The following ATL2 variants were observed in gnomAD, a reference collection of about 807,000 sequenced individuals.
ATL2 encodes atlastin-2.
Under a neutral mutation model 73.9 loss-of-function variants are expected in ATL2, and 31 were observed. The ratio of observed to expected loss-of-function variants is 0.42; its 90% CI spans 0.32 to 0.57. ATL2 has a LOEUF of 0.57. Among genes scored for constraint, ATL2 ranks in the 20% least tolerant of loss-of-function variants. The probability of loss-of-function intolerance (pLI) is 0.14; values close to 1 mark genes in which losing one functional copy is unlikely to be tolerated. For missense variants in ATL2, 738 were observed against 702.6 expected, an observed-to-expected ratio of 1.05 and a Z score of -0.57; for synonymous variants, 291 against 237.5, an observed-to-expected ratio of 1.23 and a Z score of -2.07.
chr2:38,358,639 C>T, intron 1 of ATL2: 2 of 211,782 alleles, frequency 9.4e-6, no homozygotes, highest in Non-Finnish European at 2.0e-5. Context: ...TTGCAGTGAG[C>T]CGAGACCGTG....
rs750183162 is a variant in ATL2, at chr2:38,298,170, G to C, written c.1606C>G (p.Gln536Glu). ...EFREIGTVID[Q>E]IAETLWEQVL... Reference sequence around the variant, plus strand: ...TGTTCCCATAGTGTTTCAGCAATCTGATCAATCACTGTTCCAATTTCTCTG... The same window carrying C: ...TGTTCCCATAGTGTTTCAGCAATCTCATCAATCACTGTTCCAATTTCTCTG... The change falls in exon 12 of 13, where the codon CAG (glutamine) becomes GAG (glutamate). Residue 536 changes from glutamine to glutamate, a missense_variant. Transcript: ENST00000378954. The C allele has an allele frequency of 6.2e-7, 1 of 1,613,518 alleles. No individual in the cohort carries two copies. The highest frequency in any genetic ancestry group is 8.5e-7 in the Non-Finnish European group (1 of 1,179,684).
At chr2:38,305,334 C>G (rs755523280) in intron 9 of ATL2, among the ~76,000 whole-genome samples, 2 of 152,042 alleles carry the variant, frequency 1.3e-5, no homozygotes, top group Non-Finnish European at 2.9e-5. Flanking sequence ...GACCACTTGA[C>G]GTCAGGAGTT....
At chr2:38,372,962 A>G (rs560911994) in intron 1 of ATL2, among the ~76,000 whole-genome samples, 13 of 152,356 alleles carry the variant, frequency 8.5e-5, no homozygotes, top group African/African-American at 2.9e-4. Flanking sequence ...AAATATACAC[A>G]TTATATATAA....
intron 2 of ATL2, among the ~76,000 whole-genome samples, chr2:38,329,319 C>T (rs577499127): frequency 8.9e-5 from 13 of 146,210 alleles, no homozygotes; most frequent in Non-Finnish European, 1.5e-4. Context: ...TCCCAGCTAC[C>T]CAGGAGATTG....
intron 6 of ATL2, among the ~76,000 whole-genome samples, chr2:38,313,894 A>C (rs1279142377): frequency 1.3e-5 from 2 of 152,222 alleles, no homozygotes; most frequent in African/African-American, 4.8e-5. Flanking sequence ...AAATGATCCC[A>C]GTTCAGAAAA....
intron 4 of ATL2, among the ~76,000 whole-genome samples, chr2:38,316,973 G>A (rs997409284): frequency 6.6e-6 from 1 of 152,018 alleles, no homozygotes; most frequent in African/African-American, 2.4e-5. Flanking sequence ...TCACTTAGTG[G>A]GTAATGACAA....
At chr2:38,326,525 A>C (rs1668671225) in intron 2 of ATL2, among the ~76,000 whole-genome samples, 1 of 152,228 alleles carries the variant, frequency 6.6e-6, no homozygotes, top group Non-Finnish European at 1.5e-5. Flanking sequence ...TTGATCCAGG[A>C]AGAGGACAGA....
At chr2:38,341,449 CA>C (rs1669713024) in intron 2 of ATL2, among the ~76,000 whole-genome samples, 1 of 151,958 alleles carries the variant, frequency 6.6e-6, no homozygotes, top group Admixed American at 6.6e-5. Flanking sequence ...CCAGCCTGGA[CA>C]ACATAGTGAG....
chr2:38,311,480 T>G (rs1281556536), intron 7 of ATL2, among the ~76,000 whole-genome samples: 1 of 152,222 alleles, frequency 6.6e-6, no homozygotes, highest in African/African-American at 2.4e-5. Flanking sequence ...AACAGCAGAA[T>G]GGAAAAACTG....
At chr2:38,302,095 AC>A (rs1667220128) in intron 9 of ATL2, among the ~76,000 whole-genome samples, 1 of 152,262 alleles carries the variant, frequency 6.6e-6, no homozygotes, top group South Asian at 2.1e-4. Context: ...CTGGAAGGGA[AC>A]CCACTGTCTT....
rs1670185463 is a variant in ATL2, at chr2:38,349,005, T to C, written c.119-5493A>G. On this transcript the variant is annotated intron_variant, in intron 1 of 12. Transcript: ENST00000378954. ...CTCACACCAGTTAGAATGGCGATCA[T>C]TAAAAAGTCAGGAAACAACAGGTGC... is the stretch of plus-strand genomic sequence containing the variant. Among the ~76,000 whole-genome samples, 4 of 151,940 alleles carry C rather than the reference T, an allele frequency of 2.6e-5. 1 individual carries two copies. In the South Asian group the frequency reaches 8.3e-4, roughly 32 times the overall value.
intron 1 of ATL2, chr2:38,376,428 C>T (rs1671971145): frequency 2.9e-6 from 1 of 350,074 alleles, no homozygotes; most frequent in Non-Finnish European, 5.0e-6. Context: ...GCCTTACTAT[C>T]GTCCAAGTGA....
intron 1 of ATL2, among the ~76,000 whole-genome samples, chr2:38,355,652 C>G (rs538340676): frequency 6.7e-6 from 1 of 149,898 alleles, no homozygotes; most frequent in South Asian, 2.1e-4. Context: ...AGCAAAAATT[C>G]AGAGAACTAA....
intron 1 of ATL2, among the ~76,000 whole-genome samples, chr2:38,374,497 C>T (rs532461372): frequency 2.0e-5 from 3 of 152,204 alleles, no homozygotes; most frequent in African/African-American, 7.2e-5. Context: ...AAAATCTTTG[C>T]GCTGTAAAGC....
At chr2:38,309,769 G>A (rs544791411) in intron 8 of ATL2, among the ~76,000 whole-genome samples, 47 of 151,864 alleles carry the variant, frequency 3.1e-4, no homozygotes, top group African/African-American at 1.1e-3. Context: ...TAAATTTGTG[G>A]ACTACCAAGA....
At chr2:38,337,800 T>G (rs779765883) in intron 2 of ATL2, among the ~76,000 whole-genome samples, 1 of 152,056 alleles carries the variant, frequency 6.6e-6, no homozygotes, top group Non-Finnish European at 1.5e-5. Context: ...TATTTATTAA[T>G]AAAATTCTTC....
intron 1 of ATL2, chr2:38,376,359 A>C: frequency 1.3e-6 from 1 of 780,314 alleles, no homozygotes; most frequent in East Asian, 2.8e-5. Flanking sequence ...CACATTCAGC[A>C]AAACCAGGGA....
At chr2:38,299,428 G>C in intron 10 of ATL2, 101 bp from the exon 11 acceptor site, 1 of 1,197,994 alleles carries the variant, frequency 8.3e-7, no homozygotes, top group Non-Finnish European at 1.1e-6. Flanking sequence ...GTCTGAAAAT[G>C]AACCAGAGAA....
At chr2:38,345,449 G>C (rs902328297) in intron 1 of ATL2, among the ~76,000 whole-genome samples, 1 of 152,070 alleles carries the variant, frequency 6.6e-6, no homozygotes, top group Non-Finnish European at 1.5e-5. Context: ...TCCACATCAC[G>C]AGGCACCTTT....
Sources: allele counts gnomAD v4.1 joint callset (sites outside exome capture counted in the v4.1 genomes callset), GRCh38; gene constraint gnomAD v4.1.1; transcripts MANE v1.5; gene names NCBI Gene and HGNC (gene_info 2026-07-23, HGNC 2026-07-21).